Variants in LRP4 observed in about 807,000 individuals in gnomAD.
LRP4 encodes LDL receptor related protein 4, also known as low-density lipoprotein receptor-related protein 4.
Under a neutral mutation model 220.3 loss-of-function variants are expected in LRP4, and 95 were observed. The observed-to-expected ratio is 0.43, with a 90% CI of 0.37 to 0.51. The LOEUF (loss-of-function observed/expected upper bound fraction) is 0.51. LRP4 is among the 20% of genes least tolerant of loss of function. The pLI is 0.00. For missense variants in LRP4, 1,925 were observed against 2,567.0 expected (o/e 0.75, Z 5.40); for synonymous variants, 903 against 954.6 (o/e 0.95, Z 1.00).
At chr11:46,892,305 A>T (rs1284774047) in intron 13 of LRP4, among the ~76,000 whole-genome samples, 1 of 152,230 alleles carries the variant, frequency 6.6e-6, no homozygotes, top group Non-Finnish European at 1.5e-5. Flanking sequence ...AATTTGTATT[A>T]ATTAGGTCAA....
rs551911584 is a variant in LRP4, at chr11:46,916,013, C to A, written c.52+2315G>T. Among the ~76,000 whole-genome samples, 4 of 152,244 alleles carry A rather than the reference C, an allele frequency of 2.6e-5. No homozygotes were observed. The South Asian group carries it at 8.3e-4, about 32-fold the overall frequency. ...CTTACTGGTGAACTGTGAATCTGAC[C>A]CCCCAGACCTCCAAGGATGGCTCAG... is the stretch of plus-strand genomic sequence containing the variant. On this transcript the variant is annotated intron_variant, in intron 1 of 37. Transcript: ENST00000378623.
At chr11:46,878,766 CGT>C in intron 22 of LRP4, 139 bp downstream of exon 22, 2 of 1,269,108 alleles carry the variant, frequency 1.6e-6, no homozygotes, top group Non-Finnish European at 2.3e-6. Context: ...TTCTAAAAGC[CGT>C]GAGTCTCTCC....
At chr11:46,884,084 G>T in intron 18 of LRP4, 108 bp from the exon 19 acceptor site, 1 of 819,260 alleles carries the variant, frequency 1.2e-6, no homozygotes, top group South Asian at 1.4e-5. Context: ...CAGAGTAGGG[G>T]CTCAAAAGAT....
intron 20 of LRP4, 90 bp downstream of exon 20, chr11:46,881,612 G>T: frequency 7.8e-7 from 1 of 1,277,420 alleles, no homozygotes; most frequent in South Asian, 1.2e-5. Flanking sequence ...CCAATCAGCT[G>T]CCAGCCAAAA....
rs1013123331 is a variant in LRP4 at position 46,857,680 on chromosome 11, C to T, written c.*1303G>A. The T allele has an allele frequency of 1.6e-4, 25 of 152,272 alleles. No individual in the cohort carries two copies. The highest frequency in any genetic ancestry group is 5.3e-4 in the African/African-American group (22 of 41,404). The allele number at this position is 152,272 out of a possible 1,614,324, so 9.4% of individuals were successfully genotyped here. A position where few individuals can be genotyped will look rare whatever the true frequency, so the allele number is the denominator to read the frequency against. On this transcript the variant is annotated 3_prime_UTR_variant, in exon 38 of 38. Coordinates refer to ENST00000378623, the MANE Select transcript of LRP4 (RefSeq NM_002334.4). The stretch of plus-strand genomic sequence containing the variant: ...ACCCCACGAAGAACAGCTAGGGAGA[C>T]GTTTTAGGGCAAAAATAAGTCTCAA...
In LRP4 at chr11:46,899,561, C is replaced by T. The variant is rs937050024; in HGVS notation, c.431-58G>A. On this transcript the variant is annotated intron_variant, in intron 4 of 37. Transcript: ENST00000378623. The surrounding 1 kb of genome is among the most constrained non-coding windows in gnomAD (Gnocchi z 5.9). Reference sequence around the variant, plus strand: ...GGGGCCCCACAGGCAACCCTCTCACCCTCCTCTCTGACTCCCAACCTCACT... The same window carrying T: ...GGGGCCCCACAGGCAACCCTCTCACTCTCCTCTCTGACTCCCAACCTCACT... The T allele has an allele frequency of 1.7e-6, 2 of 1,206,072 alleles. No homozygotes were observed. The highest frequency in any genetic ancestry group is 2.4e-6 in the Non-Finnish European group (2 of 816,816). The allele number at this position is 1,206,072 out of a possible 1,614,324, so 74.7% of individuals were successfully genotyped here. A position where few individuals can be genotyped will look rare whatever the true frequency, so the allele number is the denominator to read the frequency against.
rs762080181 is a variant in LRP4, at chr11:46,890,235, CAGGAGGACA to C, written c.1915+33_1915+41del. The stretch of plus-strand genomic sequence containing the variant: ...GGCTCCTGGGGGGCAGGGACGGGGG[CAGGAGGACA>C]AGAGATGAAGGAGACTGAAGGAAGG... On this transcript the variant is annotated intron_variant, in intron 14 of 37. Coordinates refer to ENST00000378623, the MANE Select transcript of LRP4 (RefSeq NM_002334.4). This position sits in a 1 kb window ranked among gnomAD's most constrained non-coding sequence, Gnocchi z 5.3. 1 of 1,609,168 alleles carries C rather than the reference CAGGAGGACA, an allele frequency of 6.2e-7. No homozygotes were observed. The highest frequency in any genetic ancestry group is 1.7e-5 in the Admixed American group (1 of 59,984).
intron 12 of LRP4, 51 bp from the exon 13 acceptor site, chr11:46,893,180 T>A (rs532378466): frequency 8.1e-6 from 13 of 1,609,990 alleles, no homozygotes; most frequent in Non-Finnish European, 1.0e-5. Flanking sequence ...CAGGCCCCCA[T>A]GTCCCATAGT....
chr11:46,861,545 T>TTTTTA (rs1940550438), intron 37 of LRP4, among the ~76,000 whole-genome samples: 3 of 140,336 alleles, frequency 2.1e-5, no homozygotes, highest in Admixed American at 7.4e-5. Flanking sequence ...TTTTTTTTTT[T>TTTTTA]GAGACAGGGT....
In LRP4 at chr11:46,875,797, C is replaced by A. The variant is rs1182958197; in HGVS notation, c.3699+7G>T. The A allele has an allele frequency of 1.2e-6, 2 of 1,614,132 alleles. No homozygotes were observed. Among genetic ancestry groups the A allele is most frequent in the South Asian group, 1.1e-5 (1 of 91,074 alleles). ...CTCCTGGGAAGCAGCAGGGACACGG[C>A]TCTCACCTCGGTGTGGGCATCGGCC... On this transcript the variant is annotated splice_region_variant and intron_variant, in intron 26 of 37. Coordinates refer to ENST00000378623, the MANE Select transcript of LRP4 (RefSeq NM_002334.4). This position sits in a 1 kb window ranked among gnomAD's most constrained non-coding sequence, Gnocchi z 4.5.
intron 30 of LRP4, among the ~76,000 whole-genome samples, chr11:46,872,210 C>G (rs1188732768): frequency 6.6e-6 from 1 of 152,194 alleles, no homozygotes; most frequent in Non-Finnish European, 1.5e-5. Context: ...GAGCCGAGAT[C>G]GTGCGACTGC....
Position 46,899,622 on chromosome 11 carries a change from C to G in LRP4, c.431-119G>C. On this transcript the variant is annotated intron_variant, in intron 4 of 37. Transcript: ENST00000378623. The surrounding 1 kb of genome is among the most constrained non-coding windows in gnomAD (Gnocchi z 5.9). ...GGTCTGACCTAGCCCCCGAAAGGCACCCCAGAGTCAGTGCAGACTCTCCAG... is the reference window on the plus strand; with the variant it reads ...GGTCTGACCTAGCCCCCGAAAGGCAGCCCAGAGTCAGTGCAGACTCTCCAG... 1 of 812,004 alleles carries G rather than the reference C, an allele frequency of 1.2e-6. No homozygotes were observed. The highest frequency in any genetic ancestry group is 1.7e-5 in the African/African-American group (1 of 60,164). 50.3% of individuals were successfully genotyped at this position (812,004 alleles called of 1,614,324 possible). A position where few individuals can be genotyped will look rare whatever the true frequency, so the allele number is the denominator to read the frequency against.
chr11:46,887,708 G>A (rs1331291268), intron 16 of LRP4, among the ~76,000 whole-genome samples: 1 of 151,808 alleles, frequency 6.6e-6, no homozygotes, highest in Non-Finnish European at 1.5e-5. Flanking sequence ...GCAGGTGCCT[G>A]TAATCTCAGC....
At chr11:46,884,865 T>C (rs920401397) in intron 18 of LRP4, among the ~76,000 whole-genome samples, 5 of 152,104 alleles carry the variant, frequency 3.3e-5, no homozygotes, top group African/African-American at 9.7e-5. Flanking sequence ...TGAGCTGAGA[T>C]TGCGCCGCTG....
chr11:46,877,158 C>A, intron 23 of LRP4, 41 bp downstream of exon 23: 1 of 1,610,358 alleles, frequency 6.2e-7, no homozygotes, highest in Non-Finnish European at 8.5e-7. Flanking sequence ...TGTTGAAGGG[C>A]AGGGACAGAA....
chr11:46,880,303 A>G (rs1447777355), intron 20 of LRP4, among the ~76,000 whole-genome samples: 2 of 146,910 alleles, frequency 1.4e-5, no homozygotes, highest in Non-Finnish European at 3.0e-5. Context: ...GCAGTCTCAA[A>G]AAAAAAAAAA....
chr11:46,875,526 A>G lies in LRP4; in HGVS notation c.3855T>C (p.Asn1285=). The part of the protein sequence containing the change: ...IHRADKGTGS[N]VILVRSNLPG... ...GCAGGTTGGACCTCACGAGGATGAC[A>G]TTGCTGCCAGTACCCTTGTCAGCAC... is the stretch of plus-strand genomic sequence containing the variant. The change falls in exon 27 of 38, where the codon AAT becomes AAC. Residue 1285 remains asparagine (N), a synonymous_variant. Coordinates refer to ENST00000378623, the MANE Select transcript of LRP4 (RefSeq NM_002334.4). The surrounding 1 kb of genome is among the most constrained non-coding windows in gnomAD (Gnocchi z 4.5). 1 of 1,614,072 alleles carries G rather than the reference A, an allele frequency of 6.2e-7. No homozygotes were observed. Among genetic ancestry groups the G allele is most frequent in the Middle Eastern group, 1.6e-4 (1 of 6,062 alleles).
chr11:46,891,428 TACACACACACACACACACACAC>T (rs57116396), intron 13 of LRP4, among the ~76,000 whole-genome samples: 4 of 147,084 alleles, frequency 2.7e-5, no homozygotes, highest in Non-Finnish European at 4.5e-5. Flanking sequence ...TTGTATTTTA[TACACACACACACACACACACAC>T]ACACACACAC....
intron 16 of LRP4, among the ~76,000 whole-genome samples, chr11:46,889,104 GA>G: frequency 6.6e-6 from 1 of 152,316 alleles, no homozygotes; most frequent in African/African-American, 2.4e-5. Flanking sequence ...CTGTTTTCTA[GA>G]AGAGCATAAA....
Sources: allele counts gnomAD v4.1 joint callset (sites outside exome capture counted in the v4.1 genomes callset), GRCh38; gene constraint gnomAD v4.1.1; non-coding constraint Gnocchi (gnomAD v3.1); transcripts MANE v1.5; gene names NCBI Gene and HGNC (gene_info 2026-07-23, HGNC 2026-07-21).